Variants in MALRD1 observed in about 807,000 individuals in gnomAD.
The protein encoded by MALRD1 is MAM and LDL receptor class A domain containing 1.
Under a neutral mutation model 242.1 loss-of-function variants are expected in MALRD1, and 247 were observed. That is an observed-to-expected ratio of 1.02 (90% CI 0.92 to 1.13). The LOEUF (loss-of-function observed/expected upper bound fraction) is 1.13, where lower values mean the gene tolerates loss of function less well. Among genes scored for constraint, MALRD1 ranks in the 50% most tolerant of loss-of-function variants. MALRD1 has a pLI of 0.00. For missense variants in MALRD1, 2,989 were observed against 2,533.1 expected (o/e 1.18, Z -3.86); for synonymous variants, 995 against 866.6 (o/e 1.15, Z -2.60).
At chr10:19,052,822 G>T (rs1834549423) in intron 1 of MALRD1, among the ~76,000 whole-genome samples, 4 of 152,142 alleles carry the variant, frequency 2.6e-5, no homozygotes, top group Admixed American at 2.0e-4. Context: ...TCCCCTCTGA[G>T]ATTGGCCTTT....
chr10:19,064,799 G>A lies in MALRD1; in HGVS notation c.200-1920G>A, dbSNP rs551807164. Among the ~76,000 whole-genome samples, 113 of 151,366 alleles carry A rather than the reference G, an allele frequency of 7.5e-4. 1 individual carries two copies. In the East Asian group the frequency reaches 0.018, roughly 24 times the overall value. On this transcript the variant is annotated intron_variant, in intron 1 of 39. Coordinates refer to ENST00000454679, the MANE Select transcript of MALRD1 (RefSeq NM_001142308.3). ...AAAAAAAAAAAAAAAAAATTGAGAG[G>A]TGAGCTGGTGCTGTTAAACATCCAT...
chr10:19,511,926 T>A (rs991319648), intron 31 of MALRD1, among the ~76,000 whole-genome samples: 22 of 152,140 alleles, frequency 1.4e-4, no homozygotes, highest in African/African-American at 5.3e-4. Flanking sequence ...GTTGGCCACA[T>A]CTAGGATGTC....
intron 24 of MALRD1, among the ~76,000 whole-genome samples, chr10:19,335,126 G>A (rs1363835629): frequency 6.6e-6 from 1 of 151,276 alleles, no homozygotes; most frequent in Non-Finnish European, 1.5e-5. Flanking sequence ...AACCTTTGGA[G>A]GATAAGTTGT....
At chr10:19,334,201 A>G (rs1191378022) in intron 24 of MALRD1, among the ~76,000 whole-genome samples, 1 of 128,022 alleles carries the variant, frequency 7.8e-6, no homozygotes, top group South Asian at 2.3e-4. Flanking sequence ...TTTCATTTCA[A>G]TTGCTTTTGA....
chr10:19,306,211 TAC>T (rs199787873), intron 21 of MALRD1, among the ~76,000 whole-genome samples: 15,553 of 130,596 alleles, frequency 0.12, 1,150 homozygotes, highest in South Asian at 0.3. Context: ...AGTATATATA[TAC>T]ACACACATAC....
chr10:19,401,475 T>G (rs1846843209), intron 28 of MALRD1, among the ~76,000 whole-genome samples: 1 of 152,152 alleles, frequency 6.6e-6, no homozygotes, highest in Non-Finnish European at 1.5e-5. Context: ...AACTGCTTTT[T>G]GAATGGCAGA....
chr10:19,486,609 T>C (rs1351397640), intron 29 of MALRD1, among the ~76,000 whole-genome samples: 1 of 152,188 alleles, frequency 6.6e-6, no homozygotes, highest in Non-Finnish European at 1.5e-5. Flanking sequence ...ATATTCTTCA[T>C]GTGGTTACAT....
rs75282067 is a variant in MALRD1, at chr10:19,726,183, A to G, written c.6315-4523A>G. On this transcript the variant is annotated intron_variant, in intron 38 of 39. Transcript: ENST00000454679. ...AAAAGACAATCTACAAAATGGTAGAAAATATTCAAAAGTACGTATCTGATA... is the reference window on the plus strand; with the variant it reads ...AAAAGACAATCTACAAAATGGTAGAGAATATTCAAAAGTACGTATCTGATA... Among the ~76,000 whole-genome samples, 364 of 152,340 alleles carry G rather than the reference A, an allele frequency of 2.4e-3. 10 individuals are homozygous for G. The East Asian group carries it at 0.052, about 22-fold the overall frequency.
In MALRD1 at chr10:19,638,101, CAAAAAAA is replaced by C. The variant is rs56865342; in HGVS notation, c.6137+22199_6137+22205del. On this transcript the variant is annotated intron_variant, in intron 36 of 39. Coordinates refer to ENST00000454679, the MANE Select transcript of MALRD1 (RefSeq NM_001142308.3). ...GGGCAACAAGAGAGAAACTCACTCTCAAAAAAAAAAAAAAAAAAAAAAAAAAATAGAA... is the reference window on the plus strand; with the variant it reads ...GGGCAACAAGAGAGAAACTCACTCTCAAAAAAAAAAAAAAAAAAAATAGAA... 2.6e-4 allele frequency among the ~76,000 whole-genome samples: 11 copies of C among 41,924 alleles called. No individual in the cohort carries two copies. In the East Asian group the frequency reaches 4.0e-3, roughly 15 times the overall value. 27.5% of individuals were successfully genotyped at this position (41,924 alleles called of 152,430 possible).
chr10:19,552,355 G>T (rs528479407), intron 32 of MALRD1, among the ~76,000 whole-genome samples: 1 of 152,058 alleles, frequency 6.6e-6, no homozygotes, highest in African/African-American at 2.4e-5. Context: ...TAGTTCATGT[G>T]CATAGAGGTA....
At chr10:19,395,581 G>T (rs536999949) in intron 28 of MALRD1, among the ~76,000 whole-genome samples, 1 of 152,146 alleles carries the variant, frequency 6.6e-6, no homozygotes. Flanking sequence ...TCCCTAAGCA[G>T]TTCCCAGCTT....
intron 36 of MALRD1, among the ~76,000 whole-genome samples, chr10:19,618,520 C>G (rs533338740): frequency 1.3e-5 from 2 of 152,124 alleles, no homozygotes; most frequent in South Asian, 2.1e-4. Flanking sequence ...TCAATAATAG[C>G]CATTTTGACT....
At position 19,523,781 on chromosome 10, in the gene MALRD1, C is replaced by T. The variant is rs115649348; in HGVS notation, c.5321-7413C>T. ...GATGACTCTACCTTGTGTTGGCATG[C>T]CACAACCAGAAGCTTCATTTTTGTA... On this transcript the variant is annotated intron_variant, in intron 31 of 39. Coordinates refer to ENST00000454679, the MANE Select transcript of MALRD1 (RefSeq NM_001142308.3). Among the ~76,000 whole-genome samples the T allele has an allele frequency of 2.6e-3, 394 of 151,998 alleles. 2 individuals are homozygous for T. Among genetic ancestry groups the T allele is most frequent in the African/African-American group, 9.1e-3 (376 of 41,428 alleles).
chr10:19,457,222 A>G (rs1253933672), intron 29 of MALRD1, among the ~76,000 whole-genome samples: 2 of 152,180 alleles, frequency 1.3e-5, no homozygotes, highest in Non-Finnish European at 2.9e-5. Context: ...ATAACATCAT[A>G]GAATACTACT....
chr10:19,718,714 C>T (rs1212493442), intron 38 of MALRD1, among the ~76,000 whole-genome samples: 1 of 152,200 alleles, frequency 6.6e-6, no homozygotes, highest in African/African-American at 2.4e-5. Flanking sequence ...CAAGTACATG[C>T]ATCGTCATTT....
chr10:19,584,903 G>GAATC (rs1837309880), intron 33 of MALRD1, among the ~76,000 whole-genome samples: 2 of 151,708 alleles, frequency 1.3e-5, no homozygotes, highest in African/African-American at 4.8e-5. Context: ...ATGAATCTGG[G>GAATC]TGCTCCTGTA....
At chr10:19,570,415 A>G (rs1030868408) in intron 33 of MALRD1, among the ~76,000 whole-genome samples, 2 of 152,234 alleles carry the variant, frequency 1.3e-5, no homozygotes, top group East Asian at 3.9e-4. Flanking sequence ...TTATTATGTG[A>G]CATTTGAAGT....
At chr10:19,357,026 C>G (rs916569505) in intron 26 of MALRD1, among the ~76,000 whole-genome samples, 1 of 151,700 alleles carries the variant, frequency 6.6e-6, no homozygotes, top group African/African-American at 2.4e-5. Context: ...GGGAGAATTG[C>G]TTGAACCTGG....
chr10:19,109,750 G>T (rs765873711), intron 5 of MALRD1, among the ~76,000 whole-genome samples: 3 of 152,212 alleles, frequency 2.0e-5, no homozygotes, highest in Admixed American at 6.5e-5. Context: ...CATGGCTCCA[G>T]TCCCAAGATA....
Sources: gnomAD v4.1 joint callset for allele counts (sites outside exome capture counted in the v4.1 genomes callset) on GRCh38, gnomAD v4.1.1 for gene constraint, MANE v1.5 for transcripts, NCBI Gene and HGNC (gene_info 2026-07-23, HGNC 2026-07-21) for gene names.